Variants in PMPCB observed in about 807,000 individuals in gnomAD.
The protein encoded by PMPCB is peptidase, mitochondrial processing subunit beta.
PMPCB carries 46 observed loss-of-function variants against 61.5 expected under a neutral mutation model. The observed-to-expected ratio is 0.75, with a 90% CI of 0.59 to 0.96. The LOEUF is 0.96. PMPCB is among the 40% of genes least tolerant of loss of function. The pLI is 0.00. For synonymous variants in PMPCB, 191 were observed against 201.6 expected (o/e 0.95, Z 0.44); for missense variants, 590 against 602.4 (o/e 0.98, Z 0.22).
intron 3 of PMPCB, 80 bp downstream of exon 3, chr7:103,299,609 A>G (rs1586037657): frequency 1.3e-6 from 1 of 758,616 alleles, no homozygotes; most frequent in South Asian, 1.6e-5. Flanking sequence ...AGGCAGGGAG[A>G]GCTCTTTCAG....
chr7:103,344,740 C>G, the PMPCB span: 4 of 1,032,344 alleles, frequency 3.9e-6, no homozygotes, highest in Admixed American at 8.0e-5. Flanking sequence ...CTAAGACGCC[C>G]AGGAACCGGC....
At chr7:103,297,798 A>G (rs1306123820) in intron 1 of PMPCB, 2 of 1,528,612 alleles carry the variant, frequency 1.3e-6, no homozygotes, top group Non-Finnish European at 1.8e-6. Context: ...TCCTCCCGCC[A>G]GCTACTGAGG....
At chr7:103,334,943 C>T in the PMPCB span, among the ~76,000 whole-genome samples, 3 of 152,088 alleles carry the variant, frequency 2.0e-5, no homozygotes, top group African/African-American at 2.4e-5. Flanking sequence ...AAGCGGTTCT[C>T]GTGCCGCAGC....
Position 103,313,764 on chromosome 7 carries a change from G to C in PMPCB, c.*1493G>C, listed in dbSNP as rs1238915461. The C allele has an allele frequency of 5.1e-6, 5 of 985,088 alleles. No homozygotes were observed. In the African/African-American group the frequency reaches 8.7e-5, roughly 17 times the overall value. 61.0% of individuals were successfully genotyped at this position (985,088 alleles called of 1,614,324 possible). On this transcript the variant is annotated 3_prime_UTR_variant, in exon 13 of 13. Coordinates refer to ENST00000249269, the MANE Select transcript of PMPCB (RefSeq NM_004279.3). ...CTTGTATATTTCAGAAAACATCTAAGATGTGTGTCAGAAACAAATATGTTT... is the reference window on the plus strand; with the variant it reads ...CTTGTATATTTCAGAAAACATCTAACATGTGTGTCAGAAACAAATATGTTT...
intron 12 of PMPCB, chr7:103,327,517 AAG>A (rs1190078274): frequency 3.2e-5 from 23 of 713,142 alleles, no homozygotes; most frequent in Non-Finnish European, 5.0e-5. Context: ...GATGATTAGA[AAG>A]AACTTGATAT....
chr7:103,340,659 G>A, the PMPCB span, among the ~76,000 whole-genome samples: 5 of 152,134 alleles, frequency 3.3e-5, no homozygotes, highest in African/African-American at 1.2e-4. Context: ...TTGAATTCAG[G>A]CACTCCAATT....
downstream of PMPCB, among the ~76,000 whole-genome samples, chr7:103,331,315 T>C (rs1187770980): frequency 6.6e-6 from 1 of 152,248 alleles, no homozygotes; most frequent in Non-Finnish European, 1.5e-5. Context: ...AGTCAGGGTA[T>C]TTGGGTATCT....
intron 3 of PMPCB, among the ~76,000 whole-genome samples, 184 bp downstream of exon 3, chr7:103,299,713 G>A (rs946141478): frequency 6.6e-6 from 1 of 152,156 alleles, no homozygotes; most frequent in Non-Finnish European, 1.5e-5. Context: ...ACTTTCTCTT[G>A]GGATGCAGGA....
downstream of PMPCB, among the ~76,000 whole-genome samples, chr7:103,319,309 C>T (rs1392437668): frequency 8.5e-5 from 13 of 152,078 alleles, no homozygotes; most frequent in Non-Finnish European, 1.8e-4. Flanking sequence ...TGGTGTTGTG[C>T]GCCTATAATC....
At chr7:103,305,318 A>G (rs752721793) in intron 6 of PMPCB, among the ~76,000 whole-genome samples, 19 of 152,200 alleles carry the variant, frequency 1.2e-4, no homozygotes, top group Non-Finnish European at 2.4e-4. Context: ...AAGCCAGTGA[A>G]TGAAAAAAAA....
At chr7:103,300,570 T>A (rs562844080) in intron 4 of PMPCB, among the ~76,000 whole-genome samples, 23 of 152,332 alleles carry the variant, frequency 1.5e-4, no homozygotes, top group Non-Finnish European at 2.9e-4. Flanking sequence ...AGGACAGCAG[T>A]TTGTTAGTTA....
chr7:103,317,533 G>A (rs1818137336), downstream of PMPCB, among the ~76,000 whole-genome samples: 1 of 152,158 alleles, frequency 6.6e-6, no homozygotes, highest in Non-Finnish European at 1.5e-5. Flanking sequence ...GCTATCTTAA[G>A]AGTCAGCTTT....
At chr7:103,342,857 C>A in the PMPCB span, among the ~76,000 whole-genome samples, 1 of 152,100 alleles carries the variant, frequency 6.6e-6, no homozygotes, top group Admixed American at 6.5e-5. Context: ...ATCCACCCAC[C>A]TCGGCCTGCC....
chr7:103,341,121 T>C, the PMPCB span, among the ~76,000 whole-genome samples: 3 of 152,292 alleles, frequency 2.0e-5, no homozygotes, highest in South Asian at 6.2e-4. Flanking sequence ...CCCAGCCACA[T>C]AGTAAGTTCA....
downstream of PMPCB, chr7:103,319,496 T>C: frequency 9.5e-7 from 1 of 1,048,394 alleles, no homozygotes; most frequent in South Asian, 1.5e-5. Flanking sequence ...GTGGGAAACA[T>C]AAAGAGAAAT....
chr7:103,300,632 T>G (rs1015783546), intron 4 of PMPCB, among the ~76,000 whole-genome samples: 1 of 152,216 alleles, frequency 6.6e-6, no homozygotes, highest in Admixed American at 6.5e-5. Flanking sequence ...ACAAAACATT[T>G]CCCAGTGGAA....
the PMPCB span, among the ~76,000 whole-genome samples, chr7:103,346,547 C>A: frequency 6.6e-6 from 1 of 152,102 alleles, no homozygotes; most frequent in Non-Finnish European, 1.5e-5. Flanking sequence ...GTGTAACCAC[C>A]CTACAAAACT....
Position 103,312,337 on chromosome 7 carries a change from T to A in PMPCB, c.*66T>A. 1.3e-6 allele frequency: 2 copies of A among 1,592,076 alleles called. No individual in the cohort carries two copies. The highest frequency in any genetic ancestry group is 2.2e-5 in the South Asian group (2 of 89,316). On this transcript the variant is annotated 3_prime_UTR_variant, in exon 13 of 13. Transcript: ENST00000249269. ...AAACAGAGCTAGAGAAAAATAAAAA[T>A]GAACATGTATATACATTTGGAAATT...
At chr7:103,326,547 A>T in intron 12 of PMPCB, 1 of 1,613,938 alleles carries the variant, frequency 6.2e-7, no homozygotes, top group Non-Finnish European at 8.5e-7. Context: ...ACTTACCTGG[A>T]ATTCCTTTCA....
Sources: allele counts gnomAD v4.1 joint callset (sites outside exome capture counted in the v4.1 genomes callset), GRCh38; gene constraint gnomAD v4.1.1; transcripts MANE v1.5; gene names NCBI Gene and HGNC (gene_info 2026-07-23, HGNC 2026-07-21).